HCN1: variants seen among roughly 807,000 people sequenced by gnomAD.
HCN1 encodes the protein potassium/sodium hyperpolarization-activated cyclic nucleotide-gated channel 1.
A neutral mutation model predicts 78.9 loss-of-function variants in HCN1; 13 were observed. The observed-to-expected ratio is 0.16, with a 90% CI of 0.11 to 0.26. HCN1 has a LOEUF of 0.26. HCN1 is among the 10% of genes least tolerant of loss of function. The probability of loss-of-function intolerance (pLI) is 1.00; values close to 1 mark genes in which losing one functional copy is unlikely to be tolerated. For synonymous variants in HCN1, 552 were observed against 455.5 expected (o/e 1.21, Z -2.70); for missense variants, 810 against 1,154.3 (o/e 0.70, Z 4.32).
chr5:45,374,360 C>T (rs1032074486), intron 4 of HCN1, among the ~76,000 whole-genome samples: 3 of 141,152 alleles, frequency 2.1e-5, no homozygotes, highest in Admixed American at 7.9e-5. Flanking sequence ...ATACATATCC[C>T]TCAGAGAGAT....
intron 5 of HCN1, among the ~76,000 whole-genome samples, chr5:45,329,843 G>A (rs913795329): frequency 6.6e-6 from 1 of 151,258 alleles, no homozygotes; most frequent in Admixed American, 6.6e-5. Flanking sequence ...TGGCTTAGAA[G>A]GTTCTTATAC....
chr5:45,439,591 GT>G (rs1224716273), intron 3 of HCN1, among the ~76,000 whole-genome samples: 6 of 152,036 alleles, frequency 3.9e-5, no homozygotes, highest in African/African-American at 1.4e-4. Flanking sequence ...ACAGAGTTCT[GT>G]TTTTATTTCC....
intron 3 of HCN1, among the ~76,000 whole-genome samples, chr5:45,435,863 T>C (rs1013984507): frequency 1.3e-5 from 2 of 152,142 alleles, no homozygotes; most frequent in African/African-American, 4.8e-5. Flanking sequence ...TATTCTCCTA[T>C]AGAACATTTC....
chr5:45,392,177 G>T (rs1316265264), intron 4 of HCN1, among the ~76,000 whole-genome samples: 2 of 152,142 alleles, frequency 1.3e-5, no homozygotes, highest in Non-Finnish European at 2.9e-5. Flanking sequence ...ATAGCTTGAA[G>T]ATAAGAGCAG....
chr5:45,299,001 G>C (rs925111134), intron 6 of HCN1, among the ~76,000 whole-genome samples: 1 of 151,928 alleles, frequency 6.6e-6, no homozygotes, highest in Non-Finnish European at 1.5e-5. Context: ...CTTGAGAAAA[G>C]CATCAGACAA....
intron 1 of HCN1, among the ~76,000 whole-genome samples, chr5:45,658,447 G>A (rs1561235053): frequency 6.6e-6 from 1 of 152,100 alleles, no homozygotes; most frequent in Non-Finnish European, 1.5e-5. Context: ...CAGAGGGGGA[G>A]GAGCCAAGAT....
chr5:45,269,631 G>C (rs546431192), intron 6 of HCN1, among the ~76,000 whole-genome samples: 1 of 152,204 alleles, frequency 6.6e-6, no homozygotes, highest in East Asian at 1.9e-4. Flanking sequence ...TTTACTCTAG[G>C]CCACTGACAT....
intron 2 of HCN1, chr5:45,575,758 G>A (rs1427699779): frequency 6.6e-6 from 1 of 152,066 alleles, no homozygotes; most frequent in Non-Finnish European, 1.5e-5. Flanking sequence ...AATGCACCAA[G>A]TCACTCACAT....
At chr5:45,321,423 G>A (rs901085294) in intron 5 of HCN1, among the ~76,000 whole-genome samples, 2 of 150,928 alleles carry the variant, frequency 1.3e-5, no homozygotes, top group Admixed American at 6.6e-5. Flanking sequence ...TAGAATATGT[G>A]TAGAGAAAAC....
chr5:45,309,730 T>C (rs938897056), intron 5 of HCN1, among the ~76,000 whole-genome samples: 2 of 152,160 alleles, frequency 1.3e-5, no homozygotes, highest in Non-Finnish European at 2.9e-5. Flanking sequence ...TGAGTTTTGG[T>C]GGATAAGCTT....
chr5:45,680,619 T>A (rs927018165), intron 1 of HCN1, among the ~76,000 whole-genome samples: 6 of 152,092 alleles, frequency 3.9e-5, no homozygotes, highest in Non-Finnish European at 7.4e-5. Flanking sequence ...ATTATTAGAG[T>A]TTTGTTGGAA....
chr5:45,619,807 T>C (rs999205927), intron 2 of HCN1, among the ~76,000 whole-genome samples: 2 of 152,036 alleles, frequency 1.3e-5, no homozygotes, highest in East Asian at 3.9e-4. Flanking sequence ...TGATTTGAAC[T>C]CAGGCCCACA....
chr5:45,688,520 T>C (rs1739850455), intron 1 of HCN1, among the ~76,000 whole-genome samples: 1 of 152,142 alleles, frequency 6.6e-6, no homozygotes, highest in Admixed American at 6.6e-5. Context: ...ATTGCTTTCA[T>C]CTGAATTTAT....
chr5:45,563,451 C>CA (rs915148589), intron 2 of HCN1, among the ~76,000 whole-genome samples: 1 of 150,976 alleles, frequency 6.6e-6, no homozygotes, highest in East Asian at 1.9e-4. Context: ...GACTCCATCT[C>CA]AAAAAAATAA....
At chr5:45,421,280 T>A (rs966299914) in intron 3 of HCN1, among the ~76,000 whole-genome samples, 3 of 152,162 alleles carry the variant, frequency 2.0e-5, no homozygotes, top group Non-Finnish European at 2.9e-5. Context: ...GCCAGGATGG[T>A]CTCGATCTCC....
intron 3 of HCN1, among the ~76,000 whole-genome samples, chr5:45,413,054 A>G (rs1168810406): frequency 6.6e-5 from 10 of 152,014 alleles, no homozygotes; most frequent in South Asian, 2.1e-4. Flanking sequence ...TTTATTCTCT[A>G]ATCGATTATG....
chr5:45,290,346 T>C (rs745856358), intron 6 of HCN1, among the ~76,000 whole-genome samples: 1 of 152,186 alleles, frequency 6.6e-6, no homozygotes, highest in East Asian at 1.9e-4. Context: ...TCCACCCTCA[T>C]GACCTAATTA....
intron 3 of HCN1, among the ~76,000 whole-genome samples, chr5:45,433,074 C>A (rs1740495749): frequency 6.6e-6 from 1 of 152,070 alleles, no homozygotes; most frequent in South Asian, 2.1e-4. Flanking sequence ...TTACCTCCCA[C>A]CAGGTCCCTC....
At chr5:45,617,478 A>G (rs531032033) in intron 2 of HCN1, 1 of 152,216 alleles carries the variant, frequency 6.6e-6, no homozygotes, top group East Asian at 1.9e-4. Context: ...TGGAAGAGAA[A>G]GTGTGGTGAA....
Sources: gnomAD v4.1 joint callset for allele counts (sites outside exome capture counted in the v4.1 genomes callset) on GRCh38, gnomAD v4.1.1 for gene constraint, MANE v1.5 for transcripts, NCBI Gene and HGNC (gene_info 2026-07-23, HGNC 2026-07-21) for gene names.